The following ZC3H6 variants were observed in gnomAD, a reference collection of about 807,000 sequenced individuals.
The protein encoded by ZC3H6 is zinc finger CCCH-type containing 6, also known as zinc finger CCCH domain-containing protein 6.
ZC3H6 carries 40 observed loss-of-function variants against 107.7 expected under a neutral mutation model. The ratio of observed to expected loss-of-function variants is 0.37; its 90% CI spans 0.29 to 0.48. The LOEUF (loss-of-function observed/expected upper bound fraction) is 0.48. Ranked by LOEUF, ZC3H6 falls within the 20% of genes least tolerant of loss-of-function variation. The pLI is 0.98. For synonymous variants in ZC3H6, 493 were observed against 487.9 expected (o/e 1.01, Z -0.14); for missense variants, 1,267 against 1,410.4 (o/e 0.90, Z 1.63).
intron 11 of ZC3H6, among the ~76,000 whole-genome samples, chr2:112,328,885 G>A (rs907429094): frequency 6.7e-6 from 1 of 150,204 alleles, no homozygotes; most frequent in African/African-American, 2.5e-5. Context: ...GTTGCAGTGA[G>A]CCGAGATCAT....
intron 8 of ZC3H6, 62 bp from the exon 9 acceptor site, chr2:112,322,587 C>T: frequency 6.6e-7 from 1 of 1,510,012 alleles, no homozygotes. Context: ...CTTAAGTCTT[C>T]TAGTTTTAAA....
chr2:112,315,306 G>A (rs1364215467), intron 5 of ZC3H6, among the ~76,000 whole-genome samples: 4 of 152,136 alleles, frequency 2.6e-5, no homozygotes, highest in African/African-American at 7.2e-5. Context: ...AGGAAAACAA[G>A]TAGGGCTATA....
At position 112,304,640 on chromosome 2, in the gene ZC3H6, C is replaced by T. The variant is rs148127958; in HGVS notation, c.336+1289C>T. On this transcript the variant is annotated intron_variant, in intron 3 of 11. Transcript: ENST00000409871. The stretch of plus-strand genomic sequence containing the variant: ...TCTAATTTAGTCACCTCTTTAAAGG[C>T]CCTATCTCCAAATATACAGTATTTT... Among the ~76,000 whole-genome samples, 17 of 152,280 alleles carry T rather than the reference C, an allele frequency of 1.1e-4. No individual in the cohort carries two copies. The East Asian group carries it at 3.3e-3, about 29-fold the overall frequency.
At chr2:112,297,578 A>C (rs1224249031) in intron 1 of ZC3H6, among the ~76,000 whole-genome samples, 4 of 152,186 alleles carry the variant, frequency 2.6e-5, no homozygotes, top group Non-Finnish European at 5.9e-5. Context: ...ACTATTAATG[A>C]ATATTTTGGT....
chr2:112,301,275 C>T (rs1174451571), intron 2 of ZC3H6, among the ~76,000 whole-genome samples: 1 of 152,106 alleles, frequency 6.6e-6, no homozygotes, highest in Non-Finnish European at 1.5e-5. Context: ...CCTGATGAAC[C>T]CCAAATATGA....
chr2:112,289,996 C>G (rs1029792490), intron 1 of ZC3H6, among the ~76,000 whole-genome samples: 2 of 152,220 alleles, frequency 1.3e-5, no homozygotes, highest in African/African-American at 2.4e-5. Context: ...CCTCCTTGGC[C>G]TTCCAAAGTG....
intron 1 of ZC3H6, among the ~76,000 whole-genome samples, chr2:112,289,326 T>C (rs1294578924): frequency 2.3e-4 from 32 of 141,686 alleles, no homozygotes; most frequent in African/African-American, 6.2e-4. Context: ...CTTTTTCTTT[T>C]TTTTTTTTTT....
intron 1 of ZC3H6, among the ~76,000 whole-genome samples, chr2:112,290,415 A>C (rs1245462991): frequency 1.3e-5 from 2 of 152,236 alleles, no homozygotes; most frequent in Non-Finnish European, 2.9e-5. Context: ...AAAGCCTTCC[A>C]CACTTCCCTG....
chr2:112,293,430 A>C (rs1355864333), intron 1 of ZC3H6, among the ~76,000 whole-genome samples: 1 of 152,254 alleles, frequency 6.6e-6, no homozygotes. Context: ...GAAGATAAAA[A>C]GCACTTTGAA....
rs1195777738 is a variant in ZC3H6, at chr2:112,334,489, GA to G, written c.*2002del. The G allele has an allele frequency of 6.6e-6, 1 of 152,000 alleles. No individual in the cohort carries two copies. Among genetic ancestry groups the G allele is most frequent in the Non-Finnish European group, 1.5e-5 (1 of 67,938 alleles). The allele number at this position is 152,000 out of a possible 1,614,324, so 9.4% of individuals were successfully genotyped here. Reference sequence around the variant, plus strand: ...GAATATCTTTTTTACAACTAAAAGAGATATTCCAAGATTTATTAAAGAGTCA... The same window carrying G: ...GAATATCTTTTTTACAACTAAAAGAGTATTCCAAGATTTATTAAAGAGTCA... On this transcript the variant is annotated 3_prime_UTR_variant, in exon 12 of 12. Coordinates refer to ENST00000409871, the MANE Select transcript of ZC3H6 (RefSeq NM_198581.3).
intron 7 of ZC3H6, among the ~76,000 whole-genome samples, chr2:112,320,631 T>C (rs950980981): frequency 9.2e-5 from 14 of 152,184 alleles, no homozygotes; most frequent in African/African-American, 1.9e-4. Context: ...GAAAAATAAA[T>C]TTTTTCAGAT....
chr2:112,323,654 A>G (rs990203426), intron 9 of ZC3H6, among the ~76,000 whole-genome samples: 1 of 152,208 alleles, frequency 6.6e-6, no homozygotes, highest in African/African-American at 2.4e-5. Flanking sequence ...AACAGACAAA[A>G]CTATTGGAAA....
At chr2:112,309,439 A>G (rs970402754) in intron 3 of ZC3H6, among the ~76,000 whole-genome samples, 4 of 152,168 alleles carry the variant, frequency 2.6e-5, no homozygotes, top group Non-Finnish European at 5.9e-5. Flanking sequence ...AATTTTCCAC[A>G]CATACAGTTT....
chr2:112,277,470 T>C (rs749714726), intron 1 of ZC3H6, among the ~76,000 whole-genome samples: 2 of 152,142 alleles, frequency 1.3e-5, no homozygotes, highest in Non-Finnish European at 2.9e-5. Context: ...AGTTATGTAT[T>C]GTACATCATG....
Position 112,332,345 on chromosome 2 carries a change from C to T in ZC3H6, c.3427C>T (p.Pro1143Ser). 1 of 1,613,868 alleles carries T rather than the reference C, an allele frequency of 6.2e-7. No individual in the cohort carries two copies. The highest frequency in any genetic ancestry group is 8.5e-7 in the Non-Finnish European group (1 of 1,179,868). ...TCAGGCATTAACAGGCTTAATTAGG[C>T]CACAGTACAGTGATCCAAGGCAGGC... ...PVQALTGLIR[P>S]QYSDPRQARQ... Residue 1143 changes from proline to serine, a missense_variant, in exon 12 of 12, where the codon CCA becomes TCA. Coordinates refer to ENST00000409871, the MANE Select transcript of ZC3H6 (RefSeq NM_198581.3).
rs1300446859 is a variant in ZC3H6, at chr2:112,332,131, A to G, written c.3213A>G (p.Ser1071=). ...ELATASSGEN[S]KNQKKSGGLK... ...CAACAGCTTCTTCAGGAGAAAACTC[A>G]AAGAACCAGAAAAAAAGTGGTGGCT... The change falls in exon 12 of 12, where the codon TCA becomes TCG. Residue 1071 remains serine (S), a synonymous_variant. Coordinates refer to ENST00000409871, the MANE Select transcript of ZC3H6 (RefSeq NM_198581.3). 1.2e-6 allele frequency: 2 copies of G among 1,613,932 alleles called. No homozygotes were observed. Among genetic ancestry groups the G allele is most frequent in the East Asian group, 2.2e-5 (1 of 44,884 alleles).
At chr2:112,279,119 T>C (rs1026332800) in intron 1 of ZC3H6, among the ~76,000 whole-genome samples, 3 of 152,244 alleles carry the variant, frequency 2.0e-5, no homozygotes, top group African/African-American at 7.2e-5. Flanking sequence ...GACTTTTGCA[T>C]AAGCCCAGAG....
intron 1 of ZC3H6, among the ~76,000 whole-genome samples, chr2:112,279,363 C>A (rs1686485928): frequency 6.6e-6 from 1 of 152,174 alleles, no homozygotes; most frequent in African/African-American, 2.4e-5. Context: ...ATAAATATAA[C>A]CCAAGTAATT....
In ZC3H6 at chr2:112,275,716, C is replaced by A. The variant is rs1686402668; in HGVS notation, c.-279C>A. On this transcript the variant is annotated 5_prime_UTR_variant, in exon 1 of 12. Transcript: ENST00000409871. ...CCGCCCGCCCGCTCCCACGCCACAGCCACCGGCGGCGAATAGAGACTAGAG... is the reference window on the plus strand; with the variant it reads ...CCGCCCGCCCGCTCCCACGCCACAGACACCGGCGGCGAATAGAGACTAGAG... 2 of 413,800 alleles carry A rather than the reference C, an allele frequency of 4.8e-6. No individual in the cohort carries two copies. Among genetic ancestry groups the A allele is most frequent in the Non-Finnish European group, 8.6e-6 (2 of 233,618 alleles). The allele number at this position is 413,800 out of a possible 1,614,324, so 25.6% of individuals were successfully genotyped here.
Sources: gnomAD v4.1 joint callset for allele counts (sites outside exome capture counted in the v4.1 genomes callset) on GRCh38, gnomAD v4.1.1 for gene constraint, MANE v1.5 for transcripts, NCBI Gene and HGNC (gene_info 2026-07-23, HGNC 2026-07-21) for gene names.